Variants in DOCK3 observed in about 807,000 individuals in gnomAD.
DOCK3 encodes the protein dedicator of cytokinesis protein 3.
A neutral mutation model predicts 265.6 loss-of-function variants in DOCK3; 60 were observed. The ratio of observed to expected loss-of-function variants is 0.23; its 90% confidence interval spans 0.18 to 0.28. DOCK3 has a LOEUF of 0.28. Among genes scored for constraint, DOCK3 ranks in the 10% least tolerant of loss-of-function variants. DOCK3 has a pLI of 1.00. For synonymous variants in DOCK3, 881 were observed against 938.0 expected, an observed-to-expected ratio of 0.94 and a Z score of 1.11; for missense variants, 1,981 against 2,594.3, an observed-to-expected ratio of 0.76 and a Z score of 5.14.
In DOCK3 at chr3:51,317,364, G is replaced by GAGT. The variant is rs1051828561; in HGVS notation, c.3402+2238_3402+2240dup. On this transcript the variant is annotated intron_variant, in intron 32 of 52. Transcript: ENST00000266037. ...GAAACTTTGTATTCAAAGTTAGGAG[G>GAGT]AGTAAGCTTTAGTGAGCTATTGCAC... 5.2e-4 allele frequency among the ~76,000 whole-genome samples: 78 copies of GAGT among 151,102 alleles called. 1 individual carries two copies. Among genetic ancestry groups the GAGT allele is most frequent in the African/African-American group, 1.8e-3 (75 of 41,388 alleles).
intron 1 of DOCK3, among the ~76,000 whole-genome samples, chr3:50,696,240 A>G (rs1021842961): frequency 6.6e-6 from 1 of 152,242 alleles, no homozygotes; most frequent in Non-Finnish European, 1.5e-5. Context: ...ACTTCAGGGA[A>G]TGAATGGTAT....
intron 3 of DOCK3, among the ~76,000 whole-genome samples, chr3:50,874,410 G>A (rs900201937): frequency 6.6e-6 from 1 of 152,014 alleles, no homozygotes; most frequent in Non-Finnish European, 1.5e-5. Context: ...GGAGGCTGAA[G>A]CAGGAGGATC....
chr3:50,880,074 T>C (rs2047942038), intron 3 of DOCK3, among the ~76,000 whole-genome samples: 1 of 152,190 alleles, frequency 6.6e-6, no homozygotes, highest in Non-Finnish European at 1.5e-5. Flanking sequence ...AGATGTTCTT[T>C]GAAACCAATG....
chr3:50,993,370 C>T (rs745735020), intron 5 of DOCK3, among the ~76,000 whole-genome samples: 1 of 152,114 alleles, frequency 6.6e-6, no homozygotes, highest in Non-Finnish European at 1.5e-5. Flanking sequence ...CTATTTGATA[C>T]TTTTCAGAAG....
At chr3:51,277,964 G>T in intron 26 of DOCK3, 1 of 985,322 alleles carries the variant, frequency 1.0e-6, no homozygotes, top group Non-Finnish European at 1.2e-6. Context: ...CTTCTTTAGG[G>T]CAGATCTGGG....
chr3:51,122,837 T>C (rs775230835), intron 9 of DOCK3, among the ~76,000 whole-genome samples: 1 of 152,200 alleles, frequency 6.6e-6, no homozygotes, highest in Non-Finnish European at 1.5e-5. Flanking sequence ...TATGAGGACA[T>C]AGAGATAGAT....
chr3:51,174,849 G>T (rs2086860008), intron 12 of DOCK3, among the ~76,000 whole-genome samples: 1 of 152,220 alleles, frequency 6.6e-6, no homozygotes, highest in Admixed American at 6.5e-5. Flanking sequence ...ACTTCTGTTG[G>T]TTTCACAATG....
At chr3:51,053,110 T>TAG (rs1167770384) in intron 5 of DOCK3, among the ~76,000 whole-genome samples, 3 of 125,150 alleles carry the variant, frequency 2.4e-5, no homozygotes, top group African/African-American at 5.8e-5. Context: ...TATATATATA[T>TAG]ATATATATAT....
At chr3:51,198,839 G>A (rs1037642575) in intron 12 of DOCK3, among the ~76,000 whole-genome samples, 1 of 152,250 alleles carries the variant, frequency 6.6e-6, no homozygotes, top group Admixed American at 6.5e-5. Context: ...GACCAGCCTG[G>A]ACAACATGGT....
chr3:50,735,135 C>G (rs183404535), intron 1 of DOCK3, among the ~76,000 whole-genome samples: 8 of 152,004 alleles, frequency 5.3e-5, no homozygotes, highest in African/African-American at 1.7e-4. Flanking sequence ...TTATAGTATT[C>G]CATTTTCTCC....
chr3:51,357,690 G>A, intron 44 of DOCK3, 68 bp from the exon 45 acceptor site: 1 of 1,545,512 alleles, frequency 6.5e-7, no homozygotes. Context: ...GTGGACTCAA[G>A]TCTCCTGGGC....
At chr3:51,246,996 A>G (rs532855553) in intron 22 of DOCK3, among the ~76,000 whole-genome samples, 189 bp downstream of exon 22, 2 of 152,312 alleles carry the variant, frequency 1.3e-5, no homozygotes, top group South Asian at 4.1e-4. Context: ...TTTATTCCTG[A>G]TAATTTTAAA....
intron 9 of DOCK3, among the ~76,000 whole-genome samples, chr3:51,097,829 G>T (rs1236805813): frequency 6.6e-6 from 1 of 152,174 alleles, no homozygotes; most frequent in Non-Finnish European, 1.5e-5. Flanking sequence ...TGTCCCTCAT[G>T]GCACAGTCCC....
chr3:50,852,055 G>A (rs2046378017), intron 3 of DOCK3, among the ~76,000 whole-genome samples: 1 of 152,200 alleles, frequency 6.6e-6, no homozygotes, highest in Admixed American at 6.5e-5. Flanking sequence ...GGCTTGCTTA[G>A]ATCCCCAGTG....
At chr3:50,923,448 A>G (rs1575542263) in intron 4 of DOCK3, among the ~76,000 whole-genome samples, 1 of 152,174 alleles carries the variant, frequency 6.6e-6, no homozygotes, top group South Asian at 2.1e-4. Context: ...ACAATATTTA[A>G]TACTTAGTAT....
intron 9 of DOCK3, among the ~76,000 whole-genome samples, chr3:51,097,377 G>A (rs376170892): frequency 6.6e-6 from 1 of 152,198 alleles, no homozygotes; most frequent in East Asian, 1.9e-4. Context: ...CACCCAGTTC[G>A]AACTTCCAGG....
intron 2 of DOCK3, among the ~76,000 whole-genome samples, chr3:50,832,802 C>A (rs552741522): frequency 6.6e-6 from 1 of 152,058 alleles, no homozygotes; most frequent in Admixed American, 6.6e-5. Flanking sequence ...GGTGATATTC[C>A]TGCCTAACTA....
At chr3:51,046,142 A>G (rs2080769370) in intron 5 of DOCK3, among the ~76,000 whole-genome samples, 3 of 152,224 alleles carry the variant, frequency 2.0e-5, no homozygotes, top group Admixed American at 6.5e-5. Flanking sequence ...CACTACAAAA[A>G]ATCATTAAAT....
intron 4 of DOCK3, among the ~76,000 whole-genome samples, chr3:50,908,507 C>A (rs2049671089): frequency 6.6e-6 from 1 of 152,060 alleles, no homozygotes; most frequent in Non-Finnish European, 1.5e-5. Flanking sequence ...ACAGGTTGTT[C>A]AGTTTCCTTG....
Sources: allele counts gnomAD v4.1 joint callset (sites outside exome capture counted in the v4.1 genomes callset), GRCh38; gene constraint gnomAD v4.1.1; transcripts MANE v1.5; gene names NCBI Gene and HGNC (gene_info 2026-07-23, HGNC 2026-07-21).